The following HLCS variants were observed in gnomAD, a reference collection of about 807,000 sequenced individuals.
HLCS encodes the protein holocarboxylase synthetase.
HLCS carries 53 observed loss-of-function variants against 75.0 expected under a neutral mutation model. The observed-to-expected ratio is 0.71, with a 90% confidence interval of 0.57 to 0.89. HLCS has a LOEUF of 0.89. HLCS is among the 40% of genes least tolerant of loss of function. HLCS has a pLI of 0.00. For missense variants in HLCS, 966 were observed against 1,074.0 expected, an observed-to-expected ratio of 0.90 and a Z score of 1.41; for synonymous variants, 431 against 428.6, an observed-to-expected ratio of 1.01 and a Z score of -0.07.
At chr21:36,821,255 G>A (rs1344945615) in intron 6 of HLCS, among the ~76,000 whole-genome samples, 4 of 152,158 alleles carry the variant, frequency 2.6e-5, no homozygotes, top group African/African-American at 9.7e-5. Context: ...CCAGGGGATC[G>A]TGCCTTGGGC....
chr21:36,933,659 G>A (rs2066750683), intron 4 of HLCS, among the ~76,000 whole-genome samples: 1 of 146,102 alleles, frequency 6.8e-6, no homozygotes, highest in Non-Finnish European at 1.5e-5. Flanking sequence ...TAGACAAACA[G>A]CATAGCGGCG....
At chr21:36,942,319 C>T (rs1218365093) in intron 2 of HLCS, among the ~76,000 whole-genome samples, 1 of 150,422 alleles carries the variant, frequency 6.6e-6, no homozygotes, top group Non-Finnish European at 1.5e-5. Context: ...CCTGCAATCC[C>T]ACCTGAGAGG....
chr21:36,813,263 A>C (rs1322692617), intron 6 of HLCS, among the ~76,000 whole-genome samples: 1 of 152,216 alleles, frequency 6.6e-6, no homozygotes, highest in African/African-American at 2.4e-5. Context: ...CAGCCAAACA[A>C]CTGGTGTTTT....
At position 36,754,327 on chromosome 21, in the gene HLCS, C is replaced by T; in HGVS notation, c.2541G>A (p.Glu847=). ...DDSGFLQVHQ[E]GGEVVTVHPD... ...GGTGCACAGTCACAACCTCGCCGCC[C>T]TCCTGGTGAACCTGGAGGAAGCCAG... Residue 847 remains glutamate (E), a synonymous_variant, in exon 11 of 11, where the codon GAG becomes GAA. Transcript: ENST00000674895. 6.2e-7 allele frequency: 1 copy of T among 1,614,068 alleles called. No homozygotes were observed. The highest frequency in any genetic ancestry group is 8.5e-7 in the Non-Finnish European group (1 of 1,180,006).
At chr21:36,984,628 G>T (rs1016692324) in intron 1 of HLCS, among the ~76,000 whole-genome samples, 1 of 152,188 alleles carries the variant, frequency 6.6e-6, no homozygotes, top group African/African-American at 2.4e-5. Context: ...TGGACACAGA[G>T]AGTGGAATAA....
In HLCS at chr21:36,754,096, C is replaced by CAAAACAAACCTA; in HGVS notation, c.*138_*149dup. On this transcript the variant is annotated 3_prime_UTR_variant, in exon 11 of 11. Coordinates refer to ENST00000674895, the MANE Select transcript of HLCS (RefSeq NM_001352514.2). ...CTTCAAACACCAAAGAAAACGACAA[C>CAAAACAAACCTA]AAAACAAACCTAAAAACAAACAGAA... 1 of 908,330 alleles carries CAAAACAAACCTA rather than the reference C, an allele frequency of 1.1e-6. No individual in the cohort carries two copies. Among genetic ancestry groups the CAAAACAAACCTA allele is most frequent in the Admixed American group, 2.4e-5 (1 of 41,928 alleles). 56.3% of individuals were successfully genotyped at this position (908,330 alleles called of 1,614,324 possible).
chr21:36,852,671 G>A (rs972646725), intron 6 of HLCS, among the ~76,000 whole-genome samples: 23 of 152,198 alleles, frequency 1.5e-4, no homozygotes, highest in African/African-American at 5.6e-4. Flanking sequence ...AGAAGGATCA[G>A]AGGACCAGAT....
intron 2 of HLCS, among the ~76,000 whole-genome samples, chr21:36,947,019 G>A (rs1172775781): frequency 6.6e-6 from 1 of 152,160 alleles, no homozygotes; most frequent in Non-Finnish European, 1.5e-5. Flanking sequence ...AGGTGCGTGG[G>A]AAACAGGGAA....
intron 6 of HLCS, among the ~76,000 whole-genome samples, chr21:36,780,142 C>T (rs1468399764): frequency 6.6e-6 from 1 of 152,198 alleles, no homozygotes; most frequent in Non-Finnish European, 1.5e-5. Context: ...CACTAGGTTG[C>T]ATACTCCTTA....
In HLCS at chr21:36,947,732, G is replaced by C. The variant is rs1403280612; in HGVS notation, c.331-8738C>G. 8.1e-6 allele frequency: 8 copies of C among 985,222 alleles called. No individual in the cohort carries two copies. The East Asian group carries it at 7.9e-4, about 98-fold the overall frequency. 61.0% of individuals were successfully genotyped at this position (985,222 alleles called of 1,614,324 possible). A position where few individuals can be genotyped will look rare whatever the true frequency, so the allele number is the denominator to read the frequency against. On this transcript the variant is annotated intron_variant, in intron 2 of 10. Coordinates refer to ENST00000674895, the MANE Select transcript of HLCS (RefSeq NM_001352514.2). ...TGCTCAACTTAAAACTCACATCCAAGAAGCAGTCCGGGAGTGAAAGACCCC... is the reference window on the plus strand; with the variant it reads ...TGCTCAACTTAAAACTCACATCCAACAAGCAGTCCGGGAGTGAAAGACCCC...
chr21:36,964,680 C>T (rs2068474340), intron 1 of HLCS, among the ~76,000 whole-genome samples: 1 of 152,180 alleles, frequency 6.6e-6, no homozygotes, highest in African/African-American at 2.4e-5. Context: ...CACTCCTACT[C>T]CGGCCTGCAC....
At chr21:36,868,672 G>A (rs946888951) in intron 6 of HLCS, among the ~76,000 whole-genome samples, 14 of 151,662 alleles carry the variant, frequency 9.2e-5, no homozygotes, top group East Asian at 3.9e-4. Flanking sequence ...AAAAAAAGGC[G>A]TCATGAGAAC....
intron 2 of HLCS, chr21:36,947,193 C>A (rs1185019486): frequency 4.1e-6 from 1 of 246,532 alleles, no homozygotes; most frequent in Admixed American, 6.5e-5. Flanking sequence ...GTAAAAGGAG[C>A]CAATGATGAA....
At position 36,834,174 on chromosome 21, in the gene HLCS, T is replaced by C. The variant is rs375028229; in HGVS notation, c.1892+62686A>G. On this transcript the variant is annotated intron_variant, in intron 6 of 10. Coordinates refer to ENST00000674895, the MANE Select transcript of HLCS (RefSeq NM_001352514.2). ...CCAATCCCTCACAGATACTGAAGGATAGCTGTATTTATCCCCTGACACACT... is the reference window on the plus strand; with the variant it reads ...CCAATCCCTCACAGATACTGAAGGACAGCTGTATTTATCCCCTGACACACT... Among the ~76,000 whole-genome samples, 222 of 152,306 alleles carry C rather than the reference T, an allele frequency of 1.5e-3. 2 individuals are homozygous for C. The highest frequency in any genetic ancestry group is 5.1e-3 in the African/African-American group (210 of 41,556).
At chr21:36,913,486 G>C (rs921964993) in intron 5 of HLCS, among the ~76,000 whole-genome samples, 7 of 152,124 alleles carry the variant, frequency 4.6e-5, no homozygotes, top group Admixed American at 3.3e-4. Context: ...ATTTGGCGGG[G>C]TGTGGTGGCT....
At chr21:36,877,870 A>G (rs551546953) in intron 6 of HLCS, among the ~76,000 whole-genome samples, 1 of 152,262 alleles carries the variant, frequency 6.6e-6, no homozygotes, top group Admixed American at 6.5e-5. Context: ...TGACAAGTTT[A>G]TCTTCCTTGA....
chr21:36,868,796 G>C (rs893984977), intron 6 of HLCS, among the ~76,000 whole-genome samples: 1 of 152,218 alleles, frequency 6.6e-6, no homozygotes, highest in African/African-American at 2.4e-5. Context: ...TACCATGTGA[G>C]TGTGGGCAGT....
chr21:36,852,741 C>G (rs897382903), intron 6 of HLCS, among the ~76,000 whole-genome samples: 1 of 151,988 alleles, frequency 6.6e-6, no homozygotes, highest in Non-Finnish European at 1.5e-5. Flanking sequence ...CCTTGAGGAC[C>G]CCACCCCAAG....
At chr21:36,977,356 C>T (rs1302889983) in intron 1 of HLCS, among the ~76,000 whole-genome samples, 1 of 152,088 alleles carries the variant, frequency 6.6e-6, no homozygotes, top group Non-Finnish European at 1.5e-5. Flanking sequence ...GCCACTGCCC[C>T]CACCCTCCAA....
Sources: allele counts gnomAD v4.1 joint callset (sites outside exome capture counted in the v4.1 genomes callset), GRCh38; gene constraint gnomAD v4.1.1; transcripts MANE v1.5; gene names NCBI Gene and HGNC (gene_info 2026-07-23, HGNC 2026-07-21).